Variants in ANKAR observed in about 807,000 individuals in gnomAD.
ANKAR encodes ankyrin and armadillo repeat-containing protein.
In ANKAR, 136 loss-of-function variants were observed where a neutral mutation model predicts 146.2. The observed-to-expected ratio is 0.93, with a 90% CI of 0.81 to 1.07. The LOEUF is 1.07. Ranked by LOEUF, ANKAR falls within the 50% of genes least tolerant of loss-of-function variation. The probability of loss-of-function intolerance (pLI) is 0.00; values close to 1 mark genes in which losing one functional copy is unlikely to be tolerated. For synonymous variants in ANKAR, 500 were observed against 575.8 expected, an observed-to-expected ratio of 0.87 and a Z score of 1.88; for missense variants, 1,567 against 1,679.9, an observed-to-expected ratio of 0.93 and a Z score of 1.18.
intron 17 of ANKAR, among the ~76,000 whole-genome samples, chr2:189,733,601 C>T (rs1286262576): frequency 6.6e-6 from 1 of 152,038 alleles, no homozygotes; most frequent in Admixed American, 6.6e-5. Flanking sequence ...AGCTTTTTCC[C>T]AGCAATCTAT....
intron 12 of ANKAR, among the ~76,000 whole-genome samples, chr2:189,721,089 G>T (rs2041179372): frequency 6.6e-6 from 1 of 152,154 alleles, no homozygotes. Flanking sequence ...CCGGGTTCAA[G>T]AAATTCTTCT....
chr2:189,722,344 A>AAAAAAAG (rs1207309873), intron 12 of ANKAR, among the ~76,000 whole-genome samples: 1 of 151,530 alleles, frequency 6.6e-6, no homozygotes, highest in African/African-American at 2.4e-5. Flanking sequence ...ATCTCAAAAA[A>AAAAAAAG]AAAAAGGAAA....
Position 189,738,645 on chromosome 2 carries a change from T to C in ANKAR, c.3663T>C (p.Ser1221=). 2.5e-6 allele frequency: 4 copies of C among 1,611,582 alleles called. No individual in the cohort carries two copies. The highest frequency in any genetic ancestry group is 2.2e-5 in the South Asian group (2 of 90,864). ...GAGGTGTTACTATTTTAGTTGATAG[T>C]CTGTATTCAGTTCAGACTTCTACTA... ...SARGVTILVD[S]LYSVQTSTIV... is the part of the protein sequence containing the mutation. The change falls in exon 19 of 23, where the codon AGT becomes AGC. Residue 1221 remains serine (S), a synonymous_variant. Transcript: ENST00000684021.
chr2:189,718,811 G>A (rs568204130), intron 10 of ANKAR, among the ~76,000 whole-genome samples: 4 of 149,304 alleles, frequency 2.7e-5, no homozygotes, highest in South Asian at 4.3e-4. Context: ...CTGCAGTGGC[G>A]CAATCTCGGC....
At chr2:189,757,717 G>T (rs1038912517) in intron 18 of ANKAR, among the ~76,000 whole-genome samples, 2 of 152,146 alleles carry the variant, frequency 1.3e-5, no homozygotes, top group Non-Finnish European at 1.5e-5. Context: ...CTGTTCAAAG[G>T]CAAGAGTCAT....
chr2:189,761,663 GA>G, downstream of ANKAR: 1 of 1,511,658 alleles, frequency 6.6e-7, no homozygotes, highest in Non-Finnish European at 8.8e-7. Context: ...GATAATTCCT[GA>G]AAAAGAATTA....
chr2:189,754,333 GTCT>G, intron 18 of ANKAR: 2 of 1,604,344 alleles, frequency 1.2e-6, no homozygotes, highest in Non-Finnish European at 1.7e-6. Context: ...ATTAAAGAAA[GTCT>G]TCTTGCCACC....
intron 5 of ANKAR, among the ~76,000 whole-genome samples, chr2:189,693,586 A>G (rs949991811): frequency 6.6e-6 from 1 of 152,112 alleles, no homozygotes; most frequent in African/African-American, 2.4e-5. Context: ...ACAAATAAGG[A>G]AGTTTTGCTT....
chr2:189,713,878 C>T (rs1273975661), intron 10 of ANKAR, among the ~76,000 whole-genome samples: 1 of 152,140 alleles, frequency 6.6e-6, no homozygotes, highest in African/African-American at 2.4e-5. Flanking sequence ...ATCTCATGTG[C>T]AGAGACACAC....
chr2:189,762,621 C>G (rs967824888), downstream of ANKAR: 4 of 985,308 alleles, frequency 4.1e-6, no homozygotes, highest in Non-Finnish European at 4.8e-6. Context: ...CGGGCGCAAA[C>G]TGGAACCGCT....
Position 189,707,068 on chromosome 2 carries a change from T to C in ANKAR, c.2041T>C (p.Leu681=), listed in dbSNP as rs538288193. ...KGNNIIHLSV[L]TFHTEVLKYI... The stretch of plus-strand genomic sequence containing the variant: ...AAATAATATAATCCATTTATCAGTG[T>C]TAACCTTTCATACAGAGGTTCTCAA... The change falls in exon 9 of 23, where the codon TTA becomes CTA. Residue 681 remains leucine (L), a synonymous_variant. Coordinates refer to ENST00000684021, the MANE Select transcript of ANKAR (RefSeq NM_001378068.1). 25 of 1,610,320 alleles carry C rather than the reference T, an allele frequency of 1.6e-5. No individual in the cohort carries two copies. Among genetic ancestry groups the C allele is most frequent in the Non-Finnish European group, 2.0e-5 (24 of 1,177,672 alleles).
At position 189,737,690 on chromosome 2, in the gene ANKAR, G is replaced by C. The variant is rs2042979670; in HGVS notation, c.3431G>C (p.Cys1144Ser). 2.5e-6 allele frequency: 4 copies of C among 1,585,194 alleles called. No individual in the cohort carries two copies. In the South Asian group the frequency reaches 3.5e-5, roughly 14 times the overall value. The change falls in exon 18 of 23, where the codon TGC (cysteine) becomes TCC (serine). Residue 1144 changes from cysteine to serine, a missense_variant. Transcript: ENST00000684021. Reference sequence around the variant, plus strand: ...TGTTTCTCCTATTTTTAGGATATTTGCTTAAGAGCAGGCTATGCATTAACA... The same window carrying C: ...TGTTTCTCCTATTTTTAGGATATTTCCTTAAGAGCAGGCTATGCATTAACA... ...YLLHSTEKDI[C>S]LRAGYALTLF...
In ANKAR at chr2:189,733,116, G is replaced by A. The variant is rs140152515; in HGVS notation, c.3310G>A (p.Ala1104Thr). 57 of 1,601,444 alleles carry A rather than the reference G, an allele frequency of 3.6e-5. No individual in the cohort carries two copies. Among genetic ancestry groups the A allele is most frequent in the Admixed American group, 1.1e-4 (6 of 57,106 alleles). Residue 1104 changes from alanine to threonine, a missense_variant, in exon 17 of 23, where the codon GCA becomes ACA. Coordinates refer to ENST00000684021, the MANE Select transcript of ANKAR (RefSeq NM_001378068.1). The part of the protein sequence containing the change: ...HPSPNIKVEV[A>T]FSLACIVLGN... The stretch of plus-strand genomic sequence containing the variant: ...AAAACCACATGTTTAGGTTGAAGTG[G>A]CATTTTCCTTGGCATGCATTGTCCT...
intron 2 of ANKAR, among the ~76,000 whole-genome samples, chr2:189,685,513 C>T (rs556366875): frequency 1.3e-5 from 2 of 152,288 alleles, no homozygotes; most frequent in African/African-American, 4.8e-5. Context: ...TCCTTTAGCA[C>T]CCCTCCCTGC....
chr2:189,688,111 T>C (rs2035870603), intron 2 of ANKAR, among the ~76,000 whole-genome samples: 1 of 152,196 alleles, frequency 6.6e-6, no homozygotes, highest in Non-Finnish European at 1.5e-5. Context: ...GATTTAAGTA[T>C]TTAATCCATT....
chr2:189,733,095 C>T lies in ANKAR; in HGVS notation c.3301-12C>T. ...ATAATTGAAAAGTAATTTCTGAAAA[C>T]CACATGTTTAGGTTGAAGTGGCATT... is the stretch of plus-strand genomic sequence containing the variant. On this transcript the variant is annotated splice_polypyrimidine_tract_variant and intron_variant, in intron 16 of 22. Coordinates refer to ENST00000684021, the MANE Select transcript of ANKAR (RefSeq NM_001378068.1). The T allele has an allele frequency of 6.3e-7, 1 of 1,593,540 alleles. No individual in the cohort carries two copies. Among genetic ancestry groups the T allele is most frequent in the Middle Eastern group, 1.7e-4 (1 of 5,918 alleles).
intron 9 of ANKAR, among the ~76,000 whole-genome samples, chr2:189,707,715 A>C (rs1300262381): frequency 1.3e-5 from 2 of 151,596 alleles, no homozygotes; most frequent in Non-Finnish European, 2.9e-5. Flanking sequence ...CTCCCTTTCA[A>C]GGCCCTCACT....
intron 16 of ANKAR, among the ~76,000 whole-genome samples, chr2:189,731,345 A>G (rs1286451050): frequency 6.6e-6 from 1 of 151,340 alleles, no homozygotes; most frequent in Non-Finnish European, 1.5e-5. Context: ...GACAATATCT[A>G]AGTAAATAGC....
intron 9 of ANKAR, among the ~76,000 whole-genome samples, chr2:189,710,334 C>CCT (rs2039520275): frequency 6.6e-6 from 1 of 152,146 alleles, no homozygotes; most frequent in Non-Finnish European, 1.5e-5. Context: ...AAGCCTCATA[C>CCT]CTAATTTAAT....
Sources: allele counts gnomAD v4.1 joint callset (sites outside exome capture counted in the v4.1 genomes callset), GRCh38; gene constraint gnomAD v4.1.1; transcripts MANE v1.5; gene names NCBI Gene and HGNC (gene_info 2026-07-23, HGNC 2026-07-21).